SLC8A1: variants seen among roughly 807,000 people sequenced by gnomAD.
SLC8A1 encodes the protein sodium/calcium exchanger 1.
A neutral mutation model predicts 68.3 loss-of-function variants in SLC8A1; 18 were observed. The ratio of observed to expected loss-of-function variants is 0.26; its 90% CI spans 0.18 to 0.39. The LOEUF (loss-of-function observed/expected upper bound fraction) is 0.39, where lower values mean the gene tolerates loss of function less well. Ranked by LOEUF, SLC8A1 falls within the 10% of genes least tolerant of loss-of-function variation. The probability of loss-of-function intolerance (pLI) is 1.00; values close to 1 mark genes in which losing one functional copy is unlikely to be tolerated. For missense variants in SLC8A1, 985 were observed against 1,156.7 expected (o/e 0.85, Z 2.15); for synonymous variants, 475 against 415.5 (o/e 1.14, Z -1.74).
intron 2 of SLC8A1, among the ~76,000 whole-genome samples, chr2:40,253,824 C>G (rs2063397821): frequency 1.1e-5 from 1 of 88,160 alleles, no homozygotes. Context: ...CAAACTCTGT[C>G]TGTCTCCAAA....
chr2:40,175,280 G>A, intron 3 of SLC8A1: 1 of 1,612,828 alleles, frequency 6.2e-7, no homozygotes, highest in Non-Finnish European at 8.5e-7. Context: ...TCAATAACAG[G>A]GCTGTGAAGG....
intron 1 of SLC8A1, among the ~76,000 whole-genome samples, 172 bp downstream of exon 1, chr2:40,451,732 C>CATCACACACACACACA (rs1195159597): frequency 1.0e-4 from 14 of 136,342 alleles, no homozygotes; most frequent in African/African-American, 3.4e-4. Context: ...CGCGCACACA[C>CATCACACACACACACA]CACATCACAC....
At chr2:40,371,650 T>C (rs1464831870) in intron 2 of SLC8A1, among the ~76,000 whole-genome samples, 1 of 152,134 alleles carries the variant, frequency 6.6e-6, no homozygotes, top group South Asian at 2.1e-4. Flanking sequence ...TGAGATTTTA[T>C]CTGATTTTGG....
intron 2 of SLC8A1, among the ~76,000 whole-genome samples, chr2:40,274,975 T>G (rs1303572267): frequency 6.6e-6 from 1 of 152,158 alleles, no homozygotes. Context: ...CAGCAGTAGG[T>G]TGACTAGGAA....
At chr2:40,283,541 C>T (rs551112070) in intron 2 of SLC8A1, among the ~76,000 whole-genome samples, 5 of 152,302 alleles carry the variant, frequency 3.3e-5, no homozygotes, top group South Asian at 4.1e-4. Flanking sequence ...TTCACATACC[C>T]AGCACTGTTT....
chr2:40,173,080 A>C lies in SLC8A1; in HGVS notation c.1930+1745T>G, dbSNP rs1053706965. On this transcript the variant is annotated intron_variant, in intron 4 of 7. Transcript: ENST00000406785. ...CTCTTTATCAGATTTCACAGGATGGAAGGTGCTGTTGGATAGTACACTATT... is the reference window on the plus strand; with the variant it reads ...CTCTTTATCAGATTTCACAGGATGGCAGGTGCTGTTGGATAGTACACTATT... Among the ~76,000 whole-genome samples, 3 of 152,190 alleles carry C rather than the reference A, an allele frequency of 2.0e-5. 1 individual carries two copies. Among genetic ancestry groups the C allele is most frequent in the African/African-American group, 7.2e-5 (3 of 41,436 alleles).
chr2:40,342,819 A>G (rs982282878), intron 2 of SLC8A1, among the ~76,000 whole-genome samples: 12 of 152,136 alleles, frequency 7.9e-5, no homozygotes, highest in Admixed American at 7.9e-4. Flanking sequence ...TAAACAGATC[A>G]CTCACTGCAA....
intron 2 of SLC8A1, among the ~76,000 whole-genome samples, chr2:40,198,511 T>C (rs1380849551): frequency 6.6e-6 from 1 of 151,974 alleles, no homozygotes; most frequent in Non-Finnish European, 1.5e-5. Context: ...TCAGTTGCTA[T>C]AAGAAAAATA....
chr2:40,168,334 A>G (rs1181250676), intron 4 of SLC8A1, among the ~76,000 whole-genome samples: 2 of 152,104 alleles, frequency 1.3e-5, no homozygotes, highest in African/African-American at 4.8e-5. Context: ...GGTGAAGGTG[A>G]TGGTAAGGAT....
At chr2:40,329,473 G>A (rs1477353222) in intron 2 of SLC8A1, among the ~76,000 whole-genome samples, 1 of 152,158 alleles carries the variant, frequency 6.6e-6, no homozygotes, top group Non-Finnish European at 1.5e-5. Context: ...ATGGCTATTG[G>A]AAGATCTCTT....
chr2:40,194,486 TGTGTGTGTGTGTGTGTGTGTGCGCGC>T (rs2052548991), intron 2 of SLC8A1, among the ~76,000 whole-genome samples: 2 of 146,350 alleles, frequency 1.4e-5, no homozygotes, highest in African/African-American at 5.2e-5. Context: ...TGTGTGTGTG[TGTGTGTGTGTGTGTGTGTGTGCGCGC>T]GCAAAGAAAA....
At chr2:40,400,261 T>A (rs1688313199) in intron 2 of SLC8A1, among the ~76,000 whole-genome samples, 1 of 152,180 alleles carries the variant, frequency 6.6e-6, no homozygotes, top group South Asian at 2.1e-4. Context: ...CTTGTCCTGC[T>A]ACGTAACAAC....
intron 2 of SLC8A1, among the ~76,000 whole-genome samples, chr2:40,257,699 C>G (rs1473888571): frequency 1.3e-5 from 2 of 152,150 alleles, no homozygotes; most frequent in African/African-American, 4.8e-5. Flanking sequence ...TTTCCCAATC[C>G]AAACCCATAA....
At chr2:40,276,518 T>C (rs1010672684) in intron 2 of SLC8A1, among the ~76,000 whole-genome samples, 1 of 152,234 alleles carries the variant, frequency 6.6e-6, no homozygotes, top group African/African-American at 2.4e-5. Context: ...GCCCAGCTTA[T>C]TCCTTCTTCA....
chr2:40,395,931 T>G (rs1016219426), intron 2 of SLC8A1, among the ~76,000 whole-genome samples: 2 of 152,176 alleles, frequency 1.3e-5, no homozygotes, highest in Admixed American at 6.5e-5. Flanking sequence ...GCCTTTTACA[T>G]AGACCCTTAT....
At chr2:40,410,313 C>T (rs1034457554) in intron 2 of SLC8A1, among the ~76,000 whole-genome samples, 1 of 151,948 alleles carries the variant, frequency 6.6e-6, no homozygotes, top group Non-Finnish European at 1.5e-5. Context: ...TGTTACTGGC[C>T]AAATTAGGAG....
exon 8 of SLC8A1, chr2:40,103,616 C>T (rs1465186129): frequency 6.6e-6 from 1 of 152,010 alleles, no homozygotes; most frequent in African/African-American, 2.4e-5. Context: ...AGTAGAATTA[C>T]TATAAGAAAC....
intron 2 of SLC8A1, among the ~76,000 whole-genome samples, chr2:40,232,800 C>T (rs952342013): frequency 2.3e-5 from 3 of 133,146 alleles, no homozygotes; most frequent in African/African-American, 8.5e-5. Context: ...TTCCTGTGTC[C>T]ATGTGATCTC....
intron 2 of SLC8A1, among the ~76,000 whole-genome samples, chr2:40,322,852 CA>C (rs2075370574): frequency 6.7e-6 from 1 of 149,328 alleles, no homozygotes; most frequent in South Asian, 2.1e-4. Context: ...ACACACACAC[CA>C]CACACACCCC....
Sources: gnomAD v4.1 joint callset for allele counts (sites outside exome capture counted in the v4.1 genomes callset) on GRCh38, gnomAD v4.1.1 for gene constraint, MANE v1.5 for transcripts, NCBI Gene and HGNC (gene_info 2026-07-23, HGNC 2026-07-21) for gene names.